LOC128125817: variants seen among roughly 807,000 people sequenced by gnomAD.
At chr1:41,613,390 A>G in the LOC128125817 span, among the ~76,000 whole-genome samples, 10 of 152,096 alleles carry the variant, frequency 6.6e-5, no homozygotes, top group African/African-American at 2.2e-4. Flanking sequence ...TAATCTTTTC[A>G]CATGCCCATC....
the LOC128125817 span, among the ~76,000 whole-genome samples, chr1:41,589,658 T>G: frequency 6.6e-6 from 1 of 152,218 alleles, no homozygotes; most frequent in East Asian, 1.9e-4. Context: ...AGCTTGAATC[T>G]GCCTTGGGCT....
At chr1:41,605,386 C>A in the LOC128125817 span, among the ~76,000 whole-genome samples, 1 of 151,580 alleles carries the variant, frequency 6.6e-6, no homozygotes, top group South Asian at 2.1e-4. Context: ...CACACACACA[C>A]ACACACACAC....
chr1:41,590,190 TG>T, the LOC128125817 span, among the ~76,000 whole-genome samples: 1 of 152,182 alleles, frequency 6.6e-6, no homozygotes, highest in African/African-American at 2.4e-5. Flanking sequence ...TAACAGGGAT[TG>T]GTAGTCAAAG....
the LOC128125817 span, among the ~76,000 whole-genome samples, chr1:41,599,859 T>G: frequency 6.6e-6 from 1 of 151,902 alleles, no homozygotes; most frequent in South Asian, 2.1e-4. Flanking sequence ...ACTCCAAAAC[T>G]CAACAACAAA....
the LOC128125817 span, among the ~76,000 whole-genome samples, chr1:41,589,901 A>G: frequency 3.9e-5 from 6 of 152,388 alleles, no homozygotes; most frequent in Admixed American, 3.9e-4. Context: ...TGTCAAAAAT[A>G]TAAGAAAACT....
the LOC128125817 span, among the ~76,000 whole-genome samples, chr1:41,620,532 T>A: frequency 1.3e-5 from 2 of 152,156 alleles, no homozygotes; most frequent in South Asian, 2.1e-4. Flanking sequence ...TCCTCAAGCT[T>A]TGGTCTCTAA....
At chr1:41,607,765 G>T in the LOC128125817 span, among the ~76,000 whole-genome samples, 2 of 152,220 alleles carry the variant, frequency 1.3e-5, no homozygotes, top group African/African-American at 4.8e-5. Flanking sequence ...CTAACTGCAG[G>T]AGTGGCTTAG....
chr1:41,594,513 C>T, the LOC128125817 span, among the ~76,000 whole-genome samples: 1 of 152,160 alleles, frequency 6.6e-6, no homozygotes, highest in Non-Finnish European at 1.5e-5. Flanking sequence ...TGAGCCACCC[C>T]GCCTGGCCGA....
the LOC128125817 span, among the ~76,000 whole-genome samples, chr1:41,619,650 G>A: frequency 2.0e-5 from 3 of 152,190 alleles, no homozygotes. Context: ...ACTGGTATGG[G>A]TGTTAGGAGT....
chr1:41,609,971 G>A, the LOC128125817 span, among the ~76,000 whole-genome samples: 1 of 152,228 alleles, frequency 6.6e-6, no homozygotes, highest in East Asian at 1.9e-4. Context: ...ATATGAGTGA[G>A]CCTCATCCAC....
chr1:41,617,013 G>A, the LOC128125817 span, among the ~76,000 whole-genome samples: 1 of 152,158 alleles, frequency 6.6e-6, no homozygotes, highest in Non-Finnish European at 1.5e-5. Context: ...TAAGTGGTGG[G>A]ATCCGGATTT....
At chr1:41,614,478 A>G in the LOC128125817 span, among the ~76,000 whole-genome samples, 1 of 152,210 alleles carries the variant, frequency 6.6e-6, no homozygotes, top group Non-Finnish European at 1.5e-5. Context: ...GCAGGGCTTC[A>G]GTTCCTCGTA....
chr1:41,593,929 T>C, the LOC128125817 span, among the ~76,000 whole-genome samples: 1 of 152,332 alleles, frequency 6.6e-6, no homozygotes. Context: ...CCTGAATTCC[T>C]TGGCTCATGG....
the LOC128125817 span, among the ~76,000 whole-genome samples, chr1:41,625,490 A>C: frequency 2.0e-5 from 3 of 152,220 alleles, no homozygotes; most frequent in Non-Finnish European, 4.4e-5. Context: ...CTAGAACCTC[A>C]GATTTCAATG....
the LOC128125817 span, among the ~76,000 whole-genome samples, chr1:41,596,591 C>T: frequency 1.3e-5 from 2 of 152,184 alleles, no homozygotes; most frequent in Non-Finnish European, 2.9e-5. Context: ...ATACAGAACT[C>T]CACACTCAGT....
chr1:41,615,523 G>T, the LOC128125817 span, among the ~76,000 whole-genome samples: 1 of 152,232 alleles, frequency 6.6e-6, no homozygotes, highest in Non-Finnish European at 1.5e-5. Flanking sequence ...AGACCACAAG[G>T]CCAGTGACAG....
the LOC128125817 span, among the ~76,000 whole-genome samples, chr1:41,596,977 C>G: frequency 6.6e-6 from 1 of 152,142 alleles, no homozygotes; most frequent in Non-Finnish European, 1.5e-5. Flanking sequence ...TTGTTAACTG[C>G]TTTTTCCCTC....
the LOC128125817 span, chr1:41,628,813 T>G: frequency 2.4e-6 from 3 of 1,231,580 alleles, no homozygotes; most frequent in African/African-American, 4.7e-5. Flanking sequence ...AAGCCAGCAT[T>G]CATGTCCACT....
At chr1:41,600,277 A>G in the LOC128125817 span, among the ~76,000 whole-genome samples, 33 of 152,238 alleles carry the variant, frequency 2.2e-4, no homozygotes, top group African/African-American at 8.0e-4. Flanking sequence ...CTATGTTCAT[A>G]GCGGCATGAT....
Sources: allele counts gnomAD v4.1 joint callset (sites outside exome capture counted in the v4.1 genomes callset), GRCh38; gene constraint gnomAD v4.1.1; transcripts MANE v1.5.